The following ZNF99 variants were observed in gnomAD, a reference collection of about 807,000 sequenced individuals.
ZNF99 encodes zinc finger protein 99, also known as zinc finger protein ENSP00000375192.
ZNF99 carries 8 observed loss-of-function variants against 12.8 expected under a neutral mutation model. The observed-to-expected ratio is 0.62, with a 90% CI of 0.37 to 1.13. The LOEUF (loss-of-function observed/expected upper bound fraction) is 1.13, where lower values mean the gene tolerates loss of function less well. Among genes scored for constraint, ZNF99 ranks in the 50% most tolerant of loss-of-function variants. The pLI is 0.02. For synonymous variants in ZNF99, 318 were observed against 319.0 expected (o/e 1.00, Z 0.03); for missense variants, 1,007 against 1,006.2 (o/e 1.00, Z -0.01).
intron 1 of ZNF99, chr19:22,773,818 A>C (rs1014073731): frequency 6.6e-6 from 1 of 152,180 alleles, no homozygotes; most frequent in Non-Finnish European, 1.5e-5. Flanking sequence ...TCTTACATAA[A>C]CCACAACTGC....
intron 1 of ZNF99, 26 bp from the exon 2 acceptor site, chr19:22,769,350 T>C (rs375078088): frequency 9.0e-5 from 143 of 1,586,408 alleles, no homozygotes; most frequent in Non-Finnish European, 1.2e-4. Flanking sequence ...AAGATACATA[T>C]AGATTTCCCA....
At chr19:22,770,091 G>A in intron 1 of ZNF99, 2 of 1,114,876 alleles carry the variant, frequency 1.8e-6, no homozygotes, top group Non-Finnish European at 2.3e-6. Flanking sequence ...TTCTGAATTT[G>A]ACAAGCTCAC....
intron 3 of ZNF99, among the ~76,000 whole-genome samples, chr19:22,760,067 G>A (rs1211822436): frequency 1.3e-5 from 2 of 152,088 alleles, no homozygotes; most frequent in Admixed American, 1.3e-4. Context: ...GGAGGCTGAG[G>A]CAAGTGGATT....
Position 22,759,387 on chromosome 19 carries a change from T to C in ZNF99, c.522A>G (p.Lys174=), listed in dbSNP as rs1464654063. 6.4e-7 allele frequency: 1 copy of C among 1,560,364 alleles called. No individual in the cohort carries two copies. The highest frequency in any genetic ancestry group is 1.7e-4 in the Middle Eastern group (1 of 5,992). ...AAAATGATTTGCTACATTTCATACATTTGAAAGTTTTCTTTTTAGTGTGTC... is the reference window on the plus strand; with the variant it reads ...AAAATGATTTGCTACATTTCATACACTTGAAAGTTTTCTTTTTAGTGTGTC... The part of the protein sequence containing the change: ...KIRHTKKKTF[K]CMKCSKSFFM... Residue 174 remains lysine, a synonymous_variant, in exon 4 of 4, where the codon AAA becomes AAG. Coordinates refer to ENST00000596209, the MANE Select transcript of ZNF99 (RefSeq NM_001080409.3).
chr19:22,782,019 T>A (rs997351895), intron 1 of ZNF99, among the ~76,000 whole-genome samples: 1 of 151,886 alleles, frequency 6.6e-6, no homozygotes, highest in African/African-American at 2.4e-5. Flanking sequence ...TGCTTTCTTC[T>A]CTTAGGAAAT....
Position 22,755,421 on chromosome 19 carries a change from C to A in ZNF99, c.*1893G>T. 3.4e-6 allele frequency: 1 copy of A among 295,554 alleles called. No homozygotes were observed. The highest frequency in any genetic ancestry group is 7.0e-6 in the Non-Finnish European group (1 of 143,744). The allele number at this position is 295,554 out of a possible 1,614,324, so 18.3% of individuals were successfully genotyped here. A position where few individuals can be genotyped will look rare whatever the true frequency, so the allele number is the denominator to read the frequency against. ...TCTTATGTTCAGTAAGGTTTGAGGA[C>A]CAGTTAAAAGTTTTGCCACACTCTT... On this transcript the variant is annotated 3_prime_UTR_variant, in exon 4 of 4. Transcript: ENST00000596209.
chr19:22,759,504 T>C lies in ZNF99; in HGVS notation c.405A>G (p.Gln135=), dbSNP rs779490465. The C allele has an allele frequency of 1.7e-5, 28 of 1,607,932 alleles. 1 individual carries two copies. Among genetic ancestry groups the C allele is most frequent in the Non-Finnish European group, 2.3e-5 (27 of 1,178,208 alleles). ...TTTTTCCCTGGGTAGTTGTCCAACA[T>C]TGGTTAAGTTTATTATAAGCTTCTT... ...MHEEAYNKLN[Q]CWTTTQGKIF... The change falls in exon 4 of 4, where the codon CAA becomes CAG. Residue 135 remains glutamine, a synonymous_variant. Coordinates refer to ENST00000596209, the MANE Select transcript of ZNF99 (RefSeq NM_001080409.3).
In ZNF99 at chr19:22,753,105, C is replaced by T. The variant is rs1972992208; in HGVS notation, c.*4209G>A. 1 of 151,838 alleles carries T rather than the reference C, an allele frequency of 6.6e-6. No individual in the cohort carries two copies. Among genetic ancestry groups the T allele is most frequent in the Non-Finnish European group, 1.5e-5 (1 of 67,932 alleles). The allele number at this position is 151,838 out of a possible 1,614,324, so 9.4% of individuals were successfully genotyped here. On this transcript the variant is annotated 3_prime_UTR_variant, in exon 4 of 4. Coordinates refer to ENST00000596209, the MANE Select transcript of ZNF99 (RefSeq NM_001080409.3). ...AGTAGGAATGAAGAGCATGAAGTAA[C>T]TTGAGAGTTGAATTACATCCTTATT... is the stretch of plus-strand genomic sequence containing the variant.
chr19:22,753,751 G>C lies in ZNF99; in HGVS notation c.*3563C>G. The C allele has an allele frequency of 5.6e-6, 1 of 179,178 alleles. No homozygotes were observed. Among genetic ancestry groups the C allele is most frequent in the South Asian group, 1.2e-4 (1 of 8,624 alleles). The allele number at this position is 179,178 out of a possible 1,614,324, so 11.1% of individuals were successfully genotyped here. The stretch of plus-strand genomic sequence containing the variant: ...ACTCTGTGATGTTAAGATGTGAGCA[G>C]ATATTAATGGCTTTTCCACATTCTT... On this transcript the variant is annotated 3_prime_UTR_variant, in exon 4 of 4. Transcript: ENST00000596209.
At chr19:22,768,732 C>T (rs970845316) in intron 2 of ZNF99, among the ~76,000 whole-genome samples, 1 of 152,010 alleles carries the variant, frequency 6.6e-6, no homozygotes, top group African/African-American at 2.4e-5. Context: ...AATTAAACAT[C>T]TTTAAAAAAT....
In ZNF99 at chr19:22,754,107, A is replaced by G. The variant is rs1568380553; in HGVS notation, c.*3207T>C. The G allele has an allele frequency of 2.2e-6, 1 of 454,740 alleles. No homozygotes were observed. The highest frequency in any genetic ancestry group is 2.0e-5 in the African/African-American group (1 of 50,034). The allele number at this position is 454,740 out of a possible 1,614,324, so 28.2% of individuals were successfully genotyped here. On this transcript the variant is annotated 3_prime_UTR_variant, in exon 4 of 4. Coordinates refer to ENST00000596209, the MANE Select transcript of ZNF99 (RefSeq NM_001080409.3). ...CTCAATGGCTCATGCTTGTAATCCC[A>G]GCACTTTGGGGCACTTTGGGAGGCC...
rs1973120398 is a variant in ZNF99 at position 22,759,154 on chromosome 19, G to A, written c.755C>T (p.Thr252Ile). The A allele has an allele frequency of 6.2e-7, 1 of 1,606,920 alleles. No homozygotes were observed. The highest frequency in any genetic ancestry group is 8.5e-7 in the Non-Finnish European group (1 of 1,176,220). ...SMFTKCKIIHTGKKPCKCEEC... is the reference protein window; with the variant it reads ...SMFTKCKIIHIGKKPCKCEEC... The stretch of plus-strand genomic sequence containing the variant: ...TTCACATTTGCAGGGTTTCTTTCCA[G>A]TATGAATTATCTTACATTTAGTGAA... The change falls in exon 4 of 4, where the codon ACT (threonine) becomes ATT (isoleucine). Residue 252 changes from threonine to isoleucine, a missense_variant. Transcript: ENST00000596209.
Position 22,755,177 on chromosome 19 carries a change from TAAAAGCA to T in ZNF99, c.*2130_*2136del. On this transcript the variant is annotated 3_prime_UTR_variant, in exon 4 of 4. Transcript: ENST00000596209. ...TGTTTAGCAAGAGTTGAGGACTGGC[TAAAAGCA>T]TTGCCACTTTCTTCACATTTGTAGG... is the stretch of plus-strand genomic sequence containing the variant. 1 of 274,714 alleles carries T rather than the reference TAAAAGCA, an allele frequency of 3.6e-6. No homozygotes were observed. Among genetic ancestry groups the T allele is most frequent in the South Asian group, 4.5e-5 (1 of 21,982 alleles). The allele number at this position is 274,714 out of a possible 1,614,324, so 17.0% of individuals were successfully genotyped here.
At chr19:22,776,430 T>C in intron 1 of ZNF99, among the ~76,000 whole-genome samples, 1 of 31,858 alleles carries the variant, frequency 3.1e-5, no homozygotes. Flanking sequence ...TATATATATA[T>C]ATATATATAT....
At chr19:22,780,691 C>CAA (rs34311189) in intron 1 of ZNF99, among the ~76,000 whole-genome samples, 3,332 of 111,796 alleles carry the variant, frequency 0.03, 105 homozygotes, top group African/African-American at 0.091. Flanking sequence ...AACTCTGTTT[C>CAA]AAAAAAAAAA....
In ZNF99 at chr19:22,759,586, T is replaced by C. The variant is rs750775030; in HGVS notation, c.323A>G (p.His108Arg). ...IILRTYARCG[H>R]KNLRLRKDCE... ...ATCTTTTCTTAATCGTAAATTCTTATGTCCACATCTTGCATATGTTCTCAA... is the reference window on the plus strand; with the variant it reads ...ATCTTTTCTTAATCGTAAATTCTTACGTCCACATCTTGCATATGTTCTCAA... Residue 108 changes from histidine to arginine, a missense_variant, in exon 4 of 4, where the codon CAT becomes CGT. By Grantham distance (29) the His-to-Arg change is conservative. Transcript: ENST00000596209. 8.1e-6 allele frequency: 13 copies of C among 1,611,652 alleles called. No individual in the cohort carries two copies. Among genetic ancestry groups the C allele is most frequent in the South Asian group, 1.1e-5 (1 of 90,278 alleles).
In ZNF99 at chr19:22,766,993, C is replaced by G. The variant is rs147951283; in HGVS notation, c.226+1312G>C. On this transcript the variant is annotated intron_variant, in intron 3 of 3. Transcript: ENST00000596209. ...TCATTTTAAATATAAATTTATCAAA[C>G]TACTTAATAAAAAGAAATGTAATTC... is the stretch of plus-strand genomic sequence containing the variant. Among the ~76,000 whole-genome samples, 90 of 151,202 alleles carry G rather than the reference C, an allele frequency of 6.0e-4. 1 individual carries two copies. The East Asian group carries it at 0.015, about 25-fold the overall frequency.
At chr19:22,783,380 A>G (rs1973412609) in intron 1 of ZNF99, among the ~76,000 whole-genome samples, 1 of 152,118 alleles carries the variant, frequency 6.6e-6, no homozygotes, top group Non-Finnish European at 1.5e-5. Context: ...ACTATAAACT[A>G]CAATTAACCT....
intron 1 of ZNF99, among the ~76,000 whole-genome samples, chr19:22,771,727 T>G (rs1334597732): frequency 1.4e-5 from 2 of 141,020 alleles, no homozygotes; most frequent in African/African-American, 5.3e-5. Context: ...TTTTTTTTTT[T>G]TTTTTTTTGA....
Sources: gnomAD v4.1 joint callset for allele counts (sites outside exome capture counted in the v4.1 genomes callset) on GRCh38, gnomAD v4.1.1 for gene constraint, MANE v1.5 for transcripts, NCBI Gene and HGNC (gene_info 2026-07-23, HGNC 2026-07-21) for gene names.